ENTHD1: variants seen among roughly 807,000 people sequenced by gnomAD.
The protein encoded by ENTHD1 is ENTH domain containing 1, also known as ENTH domain-containing protein 1.
A neutral mutation model predicts 39.1 loss-of-function variants in ENTHD1; 23 were observed. That is an observed-to-expected ratio of 0.59 (90% CI 0.42 to 0.83). The LOEUF (loss-of-function observed/expected upper bound fraction) is 0.83, where lower values mean the gene tolerates loss of function less well. Among genes scored for constraint, ENTHD1 ranks in the 40% least tolerant of loss-of-function variants. The pLI is 0.00. For missense variants in ENTHD1, 624 were observed against 705.4 expected (o/e 0.88, Z 1.31); for synonymous variants, 230 against 258.2 (o/e 0.89, Z 1.05).
intron 2 of ENTHD1, among the ~76,000 whole-genome samples, chr22:39,879,661 T>G (rs1186133496): frequency 6.6e-6 from 1 of 152,048 alleles, no homozygotes; most frequent in Non-Finnish European, 1.5e-5. Flanking sequence ...TCAGGAACTC[T>G]CATTATTGCT....
chr22:39,858,684 G>A (rs769859342), intron 3 of ENTHD1, among the ~76,000 whole-genome samples: 7 of 152,192 alleles, frequency 4.6e-5, no homozygotes, highest in African/African-American at 1.2e-4. Context: ...TAGCAGGCAC[G>A]AAAACAATAT....
chr22:39,799,197 C>CTAG (rs1252553245), intron 5 of ENTHD1, among the ~76,000 whole-genome samples: 2 of 152,174 alleles, frequency 1.3e-5, no homozygotes, highest in Non-Finnish European at 2.9e-5. Flanking sequence ...GAGCCTGTCC[C>CTAG]TAGTATGTGC....
chr22:39,776,805 G>C (rs1478121114), intron 5 of ENTHD1, among the ~76,000 whole-genome samples: 1 of 152,222 alleles, frequency 6.6e-6, no homozygotes, highest in Non-Finnish European at 1.5e-5. Context: ...GAGAACTTCA[G>C]ATTTGCTACT....
rs1375619623 is a variant in ENTHD1 at position 39,789,418 on chromosome 22, A to AG, written c.833-23810dup. Among the ~76,000 whole-genome samples, 3 of 152,090 alleles carry AG rather than the reference A, an allele frequency of 2.0e-5. No individual in the cohort carries two copies. In the East Asian group the frequency reaches 5.8e-4, roughly 29 times the overall value. ...GCTTCCATTCGTACCTTTCAACTGA[A>AG]GCTGCCCTCTGTTAGGCCATCACTG... is the stretch of plus-strand genomic sequence containing the variant. On this transcript the variant is annotated intron_variant, in intron 5 of 6. Transcript: ENST00000325157.
At chr22:39,777,555 A>C (rs564343145) in intron 5 of ENTHD1, among the ~76,000 whole-genome samples, 4 of 152,310 alleles carry the variant, frequency 2.6e-5, no homozygotes, top group African/African-American at 9.6e-5. Context: ...TACCACTTCA[A>C]TATAAACTTG....
intron 5 of ENTHD1, among the ~76,000 whole-genome samples, chr22:39,803,208 T>C (rs1237157649): frequency 6.6e-6 from 1 of 152,076 alleles, no homozygotes; most frequent in Non-Finnish European, 1.5e-5. Flanking sequence ...CCTCGTTTGC[T>C]ACGTTCTAGC....
chr22:39,758,528 G>A (rs2065203855), intron 6 of ENTHD1, among the ~76,000 whole-genome samples: 2 of 152,158 alleles, frequency 1.3e-5, no homozygotes, highest in South Asian at 4.1e-4. Flanking sequence ...GGGCTCAAGT[G>A]ACCTTCCCAC....
chr22:39,847,964 C>T (rs1019738742), intron 3 of ENTHD1, among the ~76,000 whole-genome samples: 10 of 152,130 alleles, frequency 6.6e-5, no homozygotes, highest in Non-Finnish European at 1.2e-4. Flanking sequence ...AAAGTCAAGG[C>T]GTTGGCCAAG....
intron 5 of ENTHD1, among the ~76,000 whole-genome samples, chr22:39,784,625 G>A (rs189447133): frequency 3.3e-4 from 49 of 150,720 alleles, no homozygotes; most frequent in Non-Finnish European, 5.9e-4. Context: ...CTTGTCATTT[G>A]CAGCAACATG....
At chr22:39,788,704 AG>A (rs1457905560) in intron 5 of ENTHD1, among the ~76,000 whole-genome samples, 1 of 152,162 alleles carries the variant, frequency 6.6e-6, no homozygotes, top group Non-Finnish European at 1.5e-5. Context: ...CTTTTGTGAA[AG>A]GAAGAGTCAA....
chr22:39,815,358 G>A (rs899369585), intron 5 of ENTHD1, among the ~76,000 whole-genome samples: 3 of 151,688 alleles, frequency 2.0e-5, no homozygotes, highest in Admixed American at 6.6e-5. Context: ...CAGGAGAATC[G>A]CTTGAATCTG....
chr22:39,892,381 T>C (rs137953), intron 1 of ENTHD1, among the ~76,000 whole-genome samples: 47,675 of 152,112 alleles, frequency 0.31, 8,941 homozygotes, highest in African/African-American at 0.53. Flanking sequence ...TTTGTGGAAA[T>C]TCTCTTTTGG....
Position 39,834,206 on chromosome 22 carries a change from C to T in ENTHD1, c.711+1634G>A, listed in dbSNP as rs139631418. 1.7e-4 allele frequency among the ~76,000 whole-genome samples: 26 copies of T among 152,064 alleles called. No individual in the cohort carries two copies. In the East Asian group the frequency reaches 3.9e-3, roughly 23 times the overall value. ...TTAAAAAGAAAACACAAGCCACAAA[C>T]GGAGAGAAAATATACACAGATCACA... On this transcript the variant is annotated intron_variant, in intron 4 of 6. Transcript: ENST00000325157.
intron 3 of ENTHD1, among the ~76,000 whole-genome samples, chr22:39,841,505 T>C (rs1346641434): frequency 6.6e-6 from 1 of 151,598 alleles, no homozygotes; most frequent in Non-Finnish European, 1.5e-5. Flanking sequence ...CTTCTTTGTC[T>C]CTTTTGATCT....
At chr22:39,887,250 G>A (rs1601671891) in intron 2 of ENTHD1, 150 bp downstream of exon 2, 4 of 624,762 alleles carry the variant, frequency 6.4e-6, no homozygotes, top group Non-Finnish European at 1.1e-5. Flanking sequence ...GCCCAGGCCG[G>A]AGTACAGTGG....
At chr22:39,863,051 C>T (rs1666444808) in intron 2 of ENTHD1, among the ~76,000 whole-genome samples, 1 of 152,176 alleles carries the variant, frequency 6.6e-6, no homozygotes, top group African/African-American at 2.4e-5. Context: ...AGACAGCAGC[C>T]CTCACTAGAC....
chr22:39,745,356 T>C (rs1437088416), intron 6 of ENTHD1, among the ~76,000 whole-genome samples: 2 of 152,212 alleles, frequency 1.3e-5, no homozygotes, highest in East Asian at 3.8e-4. Flanking sequence ...TGCTTACTAA[T>C]GAGAACACAT....
chr22:39,856,496 TAAATG>T (rs2066088992), intron 3 of ENTHD1, among the ~76,000 whole-genome samples: 1 of 152,048 alleles, frequency 6.6e-6, no homozygotes. Context: ...AGAAAGCAGA[TAAATG>T]AAATAAAAAT....
chr22:39,834,395 CATT>C (rs1216379321), intron 4 of ENTHD1, among the ~76,000 whole-genome samples: 2 of 152,126 alleles, frequency 1.3e-5, no homozygotes, highest in Non-Finnish European at 2.9e-5. Context: ...TATTCAACAT[CATT>C]AGCCATTTGG....
Sources: allele counts gnomAD v4.1 joint callset (sites outside exome capture counted in the v4.1 genomes callset), GRCh38; gene constraint gnomAD v4.1.1; transcripts MANE v1.5; gene names NCBI Gene and HGNC (gene_info 2026-07-23, HGNC 2026-07-21).